The following RBFOX1 variants were observed in gnomAD, a reference collection of about 807,000 sequenced individuals.
RBFOX1 encodes the protein RNA binding protein fox-1 homolog 1.
A neutral mutation model predicts 57.7 loss-of-function variants in RBFOX1; 8 were observed. That is an observed-to-expected ratio of 0.14 (90% CI 0.08 to 0.25). The LOEUF (loss-of-function observed/expected upper bound fraction) is 0.25. Ranked by LOEUF, RBFOX1 falls within the 10% of genes least tolerant of loss-of-function variation. The probability of loss-of-function intolerance (pLI) is 1.00; values close to 1 mark genes in which losing one functional copy is unlikely to be tolerated. For missense variants in RBFOX1, 611 were observed against 548.5 expected (o/e 1.11, Z -1.14); for synonymous variants, 326 against 222.4 (o/e 1.47, Z -4.15).
At chr16:6,850,193 G>A (rs765549786) in intron 3 of RBFOX1, among the ~76,000 whole-genome samples, 1 of 152,110 alleles carries the variant, frequency 6.6e-6, no homozygotes, top group South Asian at 2.1e-4. Flanking sequence ...AGTGAATTCA[G>A]TTGTTCCTCA....
chr16:5,626,431 A>C (rs12931387), intron 3 of RBFOX1, among the ~76,000 whole-genome samples: 25,857 of 151,968 alleles, frequency 0.17, 2,474 homozygotes, highest in East Asian at 0.34. Flanking sequence ...TAATAACCTC[A>C]CTGTCACTTA....
intron 1 of RBFOX1, among the ~76,000 whole-genome samples, chr16:5,256,925 C>T (rs1006260046): frequency 6.6e-6 from 1 of 151,064 alleles, no homozygotes; most frequent in African/African-American, 2.4e-5. Flanking sequence ...CAGAGTGAGG[C>T]TCTGTCTGAA....
rs116478601 is a variant in RBFOX1, at chr16:5,882,327, C to T, written c.351+14992C>T. Among the ~76,000 whole-genome samples the T allele has an allele frequency of 6.8e-3, 1,035 of 152,254 alleles. 12 individuals are homozygous for T. Among genetic ancestry groups the T allele is most frequent in the African/African-American group, 0.024 (1,001 of 41,536 alleles). ...TTGTCTTAGAGTTGGCTTCATTCAA[C>T]TCAAAGATGGAACAACAAAGCCTGC... On this transcript the variant is annotated intron_variant, in intron 4 of 19. Transcript: ENST00000641259.
chr16:7,289,960 G>A (rs1159899528), intron 4 of RBFOX1, among the ~76,000 whole-genome samples: 1 of 152,104 alleles, frequency 6.6e-6, no homozygotes, highest in African/African-American at 2.4e-5. Context: ...GACAAGGTTA[G>A]GATAAACTCT....
rs138846051 is a variant in RBFOX1, at chr16:6,019,682, C to T, written c.-437C>T. On this transcript the variant is annotated 5_prime_UTR_variant, in exon 1 of 16. Coordinates refer to ENST00000550418, the MANE Select transcript of RBFOX1 (RefSeq NM_018723.4). This position sits in a 1 kb window ranked among gnomAD's most constrained non-coding sequence, Gnocchi z 4.2. Reference sequence around the variant, plus strand: ...CGCCCCGGCGTCCGGAGCAGGAGAACTCCGAGCTTCTTGCCCAGGCAGAGA... The same window carrying T: ...CGCCCCGGCGTCCGGAGCAGGAGAATTCCGAGCTTCTTGCCCAGGCAGAGA... 4.9e-4 allele frequency: 657 copies of T among 1,337,714 alleles called. 3 individuals carry two copies. Among genetic ancestry groups the T allele is most frequent in the African/African-American group, 3.0e-3 (198 of 65,390 alleles). The allele number at this position is 1,337,714 out of a possible 1,614,324, so 82.9% of individuals were successfully genotyped here.
chr16:7,636,754 A>AAGTT (rs1225025790), intron 11 of RBFOX1, among the ~76,000 whole-genome samples: 45 of 152,262 alleles, frequency 3.0e-4, no homozygotes, highest in African/African-American at 5.8e-4. Context: ...GGTGCCAAGA[A>AAGTT]AGTTAGGTTC....
Position 5,556,383 on chromosome 16 carries a change from A to G in RBFOX1, c.259-42519A>G, listed in dbSNP as rs1045042819. Among the ~76,000 whole-genome samples the G allele has an allele frequency of 5.3e-5, 8 of 152,206 alleles. No homozygotes were observed. The East Asian group carries it at 1.5e-3, about 29-fold the overall frequency. ...CTGAAATTGAGCTGTGAGCCGAGGAAGATGAAATGCTAGTTTGTTCTATGG... is the reference window on the plus strand; with the variant it reads ...CTGAAATTGAGCTGTGAGCCGAGGAGGATGAAATGCTAGTTTGTTCTATGG... On this transcript the variant is annotated intron_variant, in intron 2 of 2. Transcript: ENST00000585867.
At chr16:5,735,019 A>C (rs1207302230) in intron 3 of RBFOX1, among the ~76,000 whole-genome samples, 1 of 152,230 alleles carries the variant, frequency 6.6e-6, no homozygotes, top group East Asian at 1.9e-4. Flanking sequence ...TCCAAGGAAG[A>C]TACACCATGA....
At chr16:5,573,199 T>A (rs186120013) in intron 2 of RBFOX1, among the ~76,000 whole-genome samples, 1 of 152,090 alleles carries the variant, frequency 6.6e-6, no homozygotes, top group Non-Finnish European at 1.5e-5. Context: ...ACTGTTAGGG[T>A]TGACTCCAGG....
chr16:7,447,336 G>A (rs376311967), intron 4 of RBFOX1, among the ~76,000 whole-genome samples: 1 of 151,300 alleles, frequency 6.6e-6, no homozygotes, highest in East Asian at 2.0e-4. Flanking sequence ...GGGAGGCTGA[G>A]GCAGAAGAAT....
At chr16:7,252,505 C>T (rs2094531716) in intron 4 of RBFOX1, among the ~76,000 whole-genome samples, 2 of 152,120 alleles carry the variant, frequency 1.3e-5, no homozygotes, top group Non-Finnish European at 2.9e-5. Context: ...TTGCACAGAT[C>T]TTTATATTTC....
At chr16:6,837,199 C>G (rs72766796) in intron 3 of RBFOX1, among the ~76,000 whole-genome samples, 10,277 of 152,300 alleles carry the variant, frequency 0.067, 511 homozygotes, top group Non-Finnish European at 0.11. Context: ...TTAGGTTGTA[C>G]TAGGTAACAT....
chr16:7,520,308 C>T (rs949880626), intron 5 of RBFOX1, among the ~76,000 whole-genome samples: 10 of 152,164 alleles, frequency 6.6e-5, no homozygotes, highest in African/African-American at 2.4e-4. Context: ...ATCCTGTACA[C>T]ATTTCAATAG....
intron 1 of RBFOX1, chr16:5,289,434 T>C: frequency 3.8e-6 from 1 of 263,026 alleles, no homozygotes. Flanking sequence ...AAGTATCAAA[T>C]ACACATTAGA....
At chr16:6,877,656 A>C (rs752500772) in intron 3 of RBFOX1, among the ~76,000 whole-genome samples, 1 of 152,212 alleles carries the variant, frequency 6.6e-6, no homozygotes, top group African/African-American at 2.4e-5. Flanking sequence ...GGACAAGCCC[A>C]TACTGAGAAT....
chr16:6,571,203 G>A (rs143549865), intron 2 of RBFOX1, among the ~76,000 whole-genome samples: 447 of 152,306 alleles, frequency 2.9e-3, no homozygotes, highest in Middle Eastern at 0.01. Flanking sequence ...TTCCCAAAAG[G>A]CTTCTTCGAA....
At chr16:5,667,446 T>C (rs2049883753) in intron 3 of RBFOX1, among the ~76,000 whole-genome samples, 1 of 152,240 alleles carries the variant, frequency 6.6e-6, no homozygotes, top group Non-Finnish European at 1.5e-5. Context: ...ATTTTAAAAT[T>C]AGCAAGTATG....
At position 5,903,312 on chromosome 16, in the gene RBFOX1, G is replaced by A. The variant is rs184351839; in HGVS notation, c.351+35977G>A. ...CATCCTCCCTCTTGCCCTCCCTGCTGTGCATGCTCCAGTATCAACCTGTCC... is the reference window on the plus strand; with the variant it reads ...CATCCTCCCTCTTGCCCTCCCTGCTATGCATGCTCCAGTATCAACCTGTCC... On this transcript the variant is annotated intron_variant, in intron 4 of 19. Transcript: ENST00000641259. Among the ~76,000 whole-genome samples the A allele has an allele frequency of 3.5e-3, 533 of 152,274 alleles. 3 individuals carry two copies. The highest frequency in any genetic ancestry group is 0.012 in the African/African-American group (516 of 41,538).
At chr16:6,577,995 A>AT (rs2097467909) in intron 2 of RBFOX1, among the ~76,000 whole-genome samples, 1 of 152,252 alleles carries the variant, frequency 6.6e-6, no homozygotes, top group South Asian at 2.1e-4. Flanking sequence ...AGGTTTTGTG[A>AT]TGAAGGGTGT....
Sources: allele counts gnomAD v4.1 joint callset (sites outside exome capture counted in the v4.1 genomes callset), GRCh38; gene constraint gnomAD v4.1.1; non-coding constraint Gnocchi (gnomAD v3.1); transcripts MANE v1.5; gene names NCBI Gene and HGNC (gene_info 2026-07-23, HGNC 2026-07-21).